The following CLTCL1 variants were observed in gnomAD, a reference collection of about 807,000 sequenced individuals.
CLTCL1 encodes the protein clathrin heavy chain 2.
Under a neutral mutation model 190.0 loss-of-function variants are expected in CLTCL1, and 159 were observed. That is an observed-to-expected ratio of 0.84 (90% CI 0.74 to 0.95). CLTCL1 has a LOEUF of 0.95. Ranked by LOEUF, CLTCL1 falls within the 40% of genes least tolerant of loss-of-function variation. The probability of loss-of-function intolerance (pLI) is 0.00; values close to 1 mark genes in which losing one functional copy is unlikely to be tolerated. For missense variants in CLTCL1, 1,878 were observed against 2,033.4 expected (o/e 0.92, Z 1.47); for synonymous variants, 752 against 769.6 (o/e 0.98, Z 0.38).
rs782050819 is a variant in CLTCL1 at position 19,183,606 on chromosome 22, G to A, written c.4611C>T (p.Ala1537=). Residue 1537 remains alanine, a synonymous_variant, in exon 30 of 33, where the codon GCC becomes GCT. Transcript: ENST00000427926. ...LCKKDHLYKD[A]MQHAAESRDA... The stretch of plus-strand genomic sequence containing the variant: ...CCCGCGACTCTGCAGCATGCTGCAT[G>A]GCATCCTGCAGCCAAGGCAAATGCT... The A allele has an allele frequency of 3.1e-6, 5 of 1,613,258 alleles. No homozygotes were observed. Among genetic ancestry groups the A allele is most frequent in the Non-Finnish European group, 4.2e-6 (5 of 1,179,686 alleles).
chr22:19,222,696 G>T lies in CLTCL1; in HGVS notation c.2406C>A (p.Ile802=). 1 of 1,591,544 alleles carries T rather than the reference G, an allele frequency of 6.3e-7. No homozygotes were observed. Among genetic ancestry groups the T allele is most frequent in the Non-Finnish European group, 8.6e-7 (1 of 1,168,898 alleles). Residue 802 remains isoleucine, a synonymous_variant, in exon 15 of 33, where the codon ATC becomes ATA. Coordinates refer to ENST00000427926, the MANE Select transcript of CLTCL1 (RefSeq NM_007098.4). ...GAGCCAGCAGTACCTTCTGCACGTA[G>T]ATCTCAATGTACCTCTGCAGGTTGT... ...YRNNLQRYIE[I]YVQKVNPSRT... is the part of the protein sequence containing the mutation.
intron 3 of CLTCL1, among the ~76,000 whole-genome samples, chr22:19,249,133 C>T (rs926746333): frequency 3.3e-5 from 5 of 152,034 alleles, no homozygotes; most frequent in South Asian, 2.1e-4. Flanking sequence ...CCGAAGCGGG[C>T]GGATTACTTG....
At chr22:19,261,915 G>A (rs1555975783) in intron 2 of CLTCL1, among the ~76,000 whole-genome samples, 2 of 152,234 alleles carry the variant, frequency 1.3e-5, no homozygotes, top group African/African-American at 4.8e-5. Flanking sequence ...GAAGTCTACT[G>A]TGGGTAAAAT....
At chr22:19,242,201 C>T (rs1455120628) in intron 4 of CLTCL1, among the ~76,000 whole-genome samples, 2 of 152,030 alleles carry the variant, frequency 1.3e-5, no homozygotes, top group Non-Finnish European at 2.9e-5. Flanking sequence ...CCTCGGCCTC[C>T]CAAACTGCTA....
chr22:19,290,444 T>C (rs896755886), intron 1 of CLTCL1, among the ~76,000 whole-genome samples: 1 of 152,216 alleles, frequency 6.6e-6, no homozygotes, highest in Non-Finnish European at 1.5e-5. Flanking sequence ...ATCATTATTA[T>C]GAGCAGCAGC....
intron 9 of CLTCL1, chr22:19,232,965 T>C (rs782273998): frequency 8.1e-6 from 5 of 619,110 alleles, no homozygotes; most frequent in South Asian, 2.4e-5. Context: ...AAAACGAAGA[T>C]GGAAGGACTG....
At chr22:19,253,497 G>A (rs1441644540) in intron 3 of CLTCL1, among the ~76,000 whole-genome samples, 1 of 152,112 alleles carries the variant, frequency 6.6e-6, no homozygotes, top group Non-Finnish European at 1.5e-5. Flanking sequence ...TAAAACTATG[G>A]GTTCCAAATT....
intron 16 of CLTCL1, among the ~76,000 whole-genome samples, 156 bp downstream of exon 16, chr22:19,221,795 A>G (rs1440992988): frequency 2.0e-5 from 3 of 152,148 alleles, no homozygotes; most frequent in African/African-American, 7.2e-5. Context: ...TTTTCCCCCA[A>G]GGTCTTCACA....
At chr22:19,258,347 G>A (rs1295175652) in intron 2 of CLTCL1, 2 of 420,722 alleles carry the variant, frequency 4.8e-6, no homozygotes, top group Non-Finnish European at 9.1e-6. Flanking sequence ...AGATTGAGGA[G>A]AGCACCACAG....
intron 2 of CLTCL1, among the ~76,000 whole-genome samples, chr22:19,273,672 T>C (rs2087398883): frequency 6.6e-6 from 1 of 152,204 alleles, no homozygotes; most frequent in African/African-American, 2.4e-5. Context: ...ATTATAGCTT[T>C]AATCTCACTC....
chr22:19,193,049 ACCT>A (rs1489966893), intron 26 of CLTCL1, among the ~76,000 whole-genome samples: 1 of 152,028 alleles, frequency 6.6e-6, no homozygotes, highest in Non-Finnish European at 1.5e-5. Context: ...GTGGCGAATC[ACCT>A]CCTCAAAGCC....
In CLTCL1 at chr22:19,180,944, G is replaced by A. The variant is rs1569136809; in HGVS notation, c.4828-138C>T. On this transcript the variant is annotated intron_variant, in intron 30 of 32. Coordinates refer to ENST00000427926, the MANE Select transcript of CLTCL1 (RefSeq NM_007098.4). The stretch of plus-strand genomic sequence containing the variant: ...GGAGGTGCACATGGGCAGATGTGGA[G>A]TGGCTCAGCCCACACCCCATGCACT... 1.4e-5 allele frequency: 10 copies of A among 730,822 alleles called. No individual in the cohort carries two copies. The East Asian group carries it at 2.5e-4, about 19-fold the overall frequency. The allele number at this position is 730,822 out of a possible 1,614,324, so 45.3% of individuals were successfully genotyped here. A position where few individuals can be genotyped will look rare whatever the true frequency, so the allele number is the denominator to read the frequency against.
chr22:19,190,596 C>CAAAAAAAAAAAAAA lies in CLTCL1; in HGVS notation c.4323+694_4323+707dup, dbSNP rs55780206. Among the ~76,000 whole-genome samples the CAAAAAAAAAAAAAA allele has an allele frequency of 3.7e-3, 273 of 72,804 alleles. 5 individuals are homozygous for CAAAAAAAAAAAAAA. The highest frequency in any genetic ancestry group is 6.9e-3 in the South Asian group (12 of 1,738). The allele number at this position is 72,804 out of a possible 152,430, so 47.8% of individuals were successfully genotyped here. A position where few individuals can be genotyped will look rare whatever the true frequency, so the allele number is the denominator to read the frequency against. On this transcript the variant is annotated intron_variant, in intron 27 of 32. Transcript: ENST00000427926. ...CCTGGGCAACAGAGCAAGACTGTCT[C>CAAAAAAAAAAAAAA]AAAAAAAAAAAAAAAAAAAAAAAGA...
In CLTCL1 at chr22:19,257,881, G is replaced by T. The variant is rs539009885; in HGVS notation, c.251-3654C>A. On this transcript the variant is annotated intron_variant, in intron 2 of 32. Coordinates refer to ENST00000427926, the MANE Select transcript of CLTCL1 (RefSeq NM_007098.4). The stretch of plus-strand genomic sequence containing the variant: ...AACCGGGAGCACCTGGAGAAGAAGA[G>T]ACCCCAGGTCAGAGACTGGGCCATT... The T allele has an allele frequency of 5.7e-6, 8 of 1,393,462 alleles. No individual in the cohort carries two copies. The Admixed American group carries it at 1.3e-4, about 23-fold the overall frequency. The allele number at this position is 1,393,462 out of a possible 1,614,324, so 86.3% of individuals were successfully genotyped here. A position where few individuals can be genotyped will look rare whatever the true frequency, so the allele number is the denominator to read the frequency against.
Position 19,221,185 on chromosome 22 carries a change from G to A in CLTCL1, c.2796+192C>T, listed in dbSNP as rs192134174. ...TGATAAGTCAGGTTCAGGACCAACT[G>A]GTCTACAGGTACAATGCATACAAAT... is the stretch of plus-strand genomic sequence containing the variant. On this transcript the variant is annotated intron_variant, in intron 17 of 32. Transcript: ENST00000427926. Among the ~76,000 whole-genome samples the A allele has an allele frequency of 1.3e-3, 195 of 152,338 alleles. 1 individual carries two copies. Among genetic ancestry groups the A allele is most frequent in the African/African-American group, 4.5e-3 (186 of 41,560 alleles).
chr22:19,213,195 C>T (rs2085286828), intron 19 of CLTCL1, among the ~76,000 whole-genome samples: 1 of 152,296 alleles, frequency 6.6e-6, no homozygotes, highest in South Asian at 2.1e-4. Context: ...AGAGGATCTA[C>T]GGATGGTAAC....
intron 18 of CLTCL1, 44 bp downstream of exon 18, chr22:19,219,841 C>G: frequency 1.2e-6 from 2 of 1,607,578 alleles, no homozygotes; most frequent in Non-Finnish European, 1.7e-6. Flanking sequence ...GATGATCGGA[C>G]GGCAAAATGC....
At chr22:19,195,983 C>T (rs961886259) in intron 26 of CLTCL1, among the ~76,000 whole-genome samples, 8 of 152,298 alleles carry the variant, frequency 5.3e-5, no homozygotes, top group Admixed American at 4.6e-4. Flanking sequence ...GTGGGAGGGG[C>T]GGGCAGGCAG....
At chr22:19,186,125 A>G (rs1186701768) in intron 29 of CLTCL1, among the ~76,000 whole-genome samples, 6 of 152,190 alleles carry the variant, frequency 3.9e-5, no homozygotes, top group South Asian at 2.1e-4. Flanking sequence ...GCCGCAGACC[A>G]GGAGCCATGA....
Sources: allele counts gnomAD v4.1 joint callset (sites outside exome capture counted in the v4.1 genomes callset), GRCh38; gene constraint gnomAD v4.1.1; transcripts MANE v1.5; gene names NCBI Gene and HGNC (gene_info 2026-07-23, HGNC 2026-07-21).